Variants in CEMIP2 observed in about 807,000 individuals in gnomAD.
CEMIP2 encodes cell surface hyaluronidase CEMIP2.
A neutral mutation model predicts 146.9 loss-of-function variants in CEMIP2; 79 were observed. The observed-to-expected ratio is 0.54, with a 90% CI of 0.45 to 0.65. CEMIP2 has a LOEUF of 0.65. Among genes scored for constraint, CEMIP2 ranks in the 30% least tolerant of loss-of-function variants. CEMIP2 has a pLI of 0.00. For synonymous variants in CEMIP2, 601 were observed against 606.3 expected, an observed-to-expected ratio of 0.99 and a Z score of 0.13; for missense variants, 1,596 against 1,696.2, an observed-to-expected ratio of 0.94 and a Z score of 1.04.
At chr9:71,744,828 A>C (rs1410022097) in intron 4 of CEMIP2, among the ~76,000 whole-genome samples, 190 bp downstream of exon 4, 1 of 152,174 alleles carries the variant, frequency 6.6e-6, no homozygotes, top group East Asian at 1.9e-4. Flanking sequence ...AACCAAAGCC[A>C]ATGAAAATAG....
rs149176397 is a variant in CEMIP2, at chr9:71,691,427, A to T, written c.3697-1181T>A. ...AGTGAGACTCTGTCTCAGGAAAAAA[A>T]AAATAAATAAATAAAAAAGCCCTTT... is the stretch of plus-strand genomic sequence containing the variant. On this transcript the variant is annotated intron_variant, in intron 21 of 23. Transcript: ENST00000377044. 8.2e-3 allele frequency among the ~76,000 whole-genome samples: 1,240 copies of T among 151,468 alleles called. 61 individuals are homozygous for T. The highest frequency in any genetic ancestry group is 0.019 in the African/African-American group (776 of 41,058).
At chr9:71,726,654 G>T (rs571872744) in intron 10 of CEMIP2, among the ~76,000 whole-genome samples, 68 of 152,170 alleles carry the variant, frequency 4.5e-4, no homozygotes, top group Non-Finnish European at 8.8e-4. Context: ...TGGGAGGAGA[G>T]ATGAGAGAGG....
At chr9:71,702,383 T>C (rs1451416366) in intron 18 of CEMIP2, among the ~76,000 whole-genome samples, 1 of 146,392 alleles carries the variant, frequency 6.8e-6, no homozygotes, top group Non-Finnish European at 1.5e-5. Flanking sequence ...TTATTGTCTA[T>C]AATAGCAAAA....
intron 5 of CEMIP2, among the ~76,000 whole-genome samples, chr9:71,735,920 C>T (rs1823749476): frequency 6.6e-6 from 1 of 151,936 alleles, no homozygotes; most frequent in Non-Finnish European, 1.5e-5. Flanking sequence ...GAGCGAGGCC[C>T]CATCTCTAGA....
intron 1 of CEMIP2, among the ~76,000 whole-genome samples, chr9:71,766,723 C>T (rs941680439): frequency 2.0e-5 from 3 of 152,236 alleles, no homozygotes; most frequent in Non-Finnish European, 4.4e-5. Context: ...TCCCTGTCCA[C>T]ACACAGGAGA....
chr9:71,714,803 T>C, intron 15 of CEMIP2, 131 bp downstream of exon 15: 1 of 878,378 alleles, frequency 1.1e-6, no homozygotes, highest in Non-Finnish European at 1.7e-6. Flanking sequence ...GTAGTAGTAA[T>C]AAATGATAAA....
intron 11 of CEMIP2, among the ~76,000 whole-genome samples, chr9:71,723,077 A>C (rs1255472017): frequency 6.6e-6 from 1 of 151,176 alleles, no homozygotes; most frequent in Admixed American, 6.6e-5. Flanking sequence ...AGAGAAAATA[A>C]CTCAAGGGAA....
chr9:71,722,192 T>C (rs746842034), intron 12 of CEMIP2, among the ~76,000 whole-genome samples: 7 of 152,210 alleles, frequency 4.6e-5, no homozygotes, highest in Non-Finnish European at 1.0e-4. Flanking sequence ...CTCTAGCATC[T>C]ATTTATAGCA....
At chr9:71,699,255 A>G (rs1011471303) in intron 19 of CEMIP2, 2 of 215,376 alleles carry the variant, frequency 9.3e-6, no homozygotes, top group Non-Finnish European at 2.0e-5. Context: ...AAGTTCTATC[A>G]TCTACAGAAT....
intron 21 of CEMIP2, among the ~76,000 whole-genome samples, chr9:71,691,285 T>G (rs1185657919): frequency 1.3e-5 from 2 of 149,682 alleles, no homozygotes; most frequent in Non-Finnish European, 2.9e-5. Flanking sequence ...CCGGGCGTGG[T>G]GGTGCATGCC....
rs1169681653 is a variant in CEMIP2, at chr9:71,741,615, TTC to T, written c.1035-1385_1035-1384del. 2.7e-3 allele frequency among the ~76,000 whole-genome samples: 403 copies of T among 150,526 alleles called. 16 individuals are homozygous for T. In the South Asian group the frequency reaches 0.074, roughly 27 times the overall value. On this transcript the variant is annotated intron_variant, in intron 4 of 23. Coordinates refer to ENST00000377044, the MANE Select transcript of CEMIP2 (RefSeq NM_013390.3). ...GCAATGTGTTTGAAAACACCATTAT[TTC>T]TTTTTCTTTTCTGGTTTTTTTTTTT... is the stretch of plus-strand genomic sequence containing the variant.
chr9:71,739,727 C>T (rs753103719), intron 5 of CEMIP2, among the ~76,000 whole-genome samples: 57 of 152,120 alleles, frequency 3.7e-4, no homozygotes, highest in Non-Finnish European at 6.9e-4. Flanking sequence ...TTGAATGCAG[C>T]CCAACACAAA....
At position 71,690,136 on chromosome 9, in the gene CEMIP2, A is replaced by G; in HGVS notation, c.3807T>C (p.Asp1269=). The G allele has an allele frequency of 6.2e-7, 1 of 1,614,176 alleles. No individual in the cohort carries two copies. Among genetic ancestry groups the G allele is most frequent in the Non-Finnish European group, 8.5e-7 (1 of 1,180,008 alleles). ...TTAAATACTCTTCAATGCGACTGAC[A>G]TCAGCAAGAGGAAAAACCGTTTTTT... The part of the protein sequence containing the change: ...LTEKTVFPLA[D]VSRIEEYLKT... The change falls in exon 22 of 24, where the codon GAT becomes GAC. Residue 1269 remains aspartate (D), a synonymous_variant. Coordinates refer to ENST00000377044, the MANE Select transcript of CEMIP2 (RefSeq NM_013390.3).
At chr9:71,696,281 G>C (rs1454791678) in intron 20 of CEMIP2, among the ~76,000 whole-genome samples, 1 of 152,046 alleles carries the variant, frequency 6.6e-6, no homozygotes, top group Non-Finnish European at 1.5e-5. Flanking sequence ...TCCCCACAAA[G>C]ACTACCTCAA....
rs777178631 is a variant in CEMIP2 at position 71,744,992 on chromosome 9, G to A, written c.1034+26C>T. On this transcript the variant is annotated intron_variant, in intron 4 of 23. Coordinates refer to ENST00000377044, the MANE Select transcript of CEMIP2 (RefSeq NM_013390.3). ...TCTCACACAGACACGGACTCTGATA[G>A]GGATCTGGGAAGAAGGTATGCCTAC... 3.1e-6 allele frequency: 5 copies of A among 1,596,066 alleles called. No individual in the cohort carries two copies. In the East Asian group the frequency reaches 8.9e-5, roughly 29 times the overall value.
chr9:71,695,388 C>T (rs1482472753), intron 20 of CEMIP2, among the ~76,000 whole-genome samples: 4 of 152,120 alleles, frequency 2.6e-5, no homozygotes, highest in African/African-American at 9.7e-5. Context: ...CAAGAATAAA[C>T]AATCAGCCGG....
intron 21 of CEMIP2, 46 bp downstream of exon 21, chr9:71,694,463 G>T (rs749042877): frequency 6.7e-7 from 1 of 1,486,560 alleles, no homozygotes; most frequent in Non-Finnish European, 9.4e-7. Flanking sequence ...ATGGCATTTT[G>T]TTATACCACC....
At chr9:71,706,290 A>G (rs981257514) in intron 17 of CEMIP2, among the ~76,000 whole-genome samples, 1 of 152,056 alleles carries the variant, frequency 6.6e-6, no homozygotes, top group Non-Finnish European at 1.5e-5. Flanking sequence ...CAAATAGTTA[A>G]ATCATGATCA....
chr9:71,749,012 G>A (rs1029602487), intron 2 of CEMIP2, among the ~76,000 whole-genome samples: 3 of 152,150 alleles, frequency 2.0e-5, no homozygotes, highest in East Asian at 1.9e-4. Flanking sequence ...TCACAGCCCC[G>A]AGTCCTTTGA....
Sources: gnomAD v4.1 joint callset for allele counts (sites outside exome capture counted in the v4.1 genomes callset) on GRCh38, gnomAD v4.1.1 for gene constraint, MANE v1.5 for transcripts, NCBI Gene and HGNC (gene_info 2026-07-23, HGNC 2026-07-21) for gene names.